Variants in ATP8A2 observed in about 807,000 individuals in gnomAD.
ATP8A2 encodes the protein phospholipid-transporting ATPase IB.
ATP8A2 carries 100 observed loss-of-function variants against 165.6 expected under a neutral mutation model. The observed-to-expected ratio is 0.60, with a 90% CI of 0.51 to 0.71. The LOEUF is 0.71. Ranked by LOEUF, ATP8A2 falls within the 30% of genes least tolerant of loss-of-function variation. ATP8A2 has a pLI of 0.00. For missense variants in ATP8A2, 1,227 were observed against 1,479.5 expected, an observed-to-expected ratio of 0.83 and a Z score of 2.80; for synonymous variants, 543 against 548.8, an observed-to-expected ratio of 0.99 and a Z score of 0.15.
chr13:25,469,130 A>G lies in ATP8A2; in HGVS notation c.221+9A>G. ...CGCGACAACCAGATCAGGTAGGAGA[A>G]GGCGGCCGGCTCGCGCGGAAGGCGG... On this transcript the variant is annotated intron_variant, in intron 2 of 36. Transcript: ENST00000381655. 1 of 1,613,356 alleles carries G rather than the reference A, an allele frequency of 6.2e-7. No individual in the cohort carries two copies. Among genetic ancestry groups the G allele is most frequent in the Non-Finnish European group, 8.5e-7 (1 of 1,179,504 alleles).
At chr13:25,506,590 T>C (rs377562185) in intron 2 of ATP8A2, among the ~76,000 whole-genome samples, 1 of 152,324 alleles carries the variant, frequency 6.6e-6, no homozygotes, top group East Asian at 1.9e-4. Flanking sequence ...AGACGGGAGC[T>C]GAGGGCATCT....
chr13:25,756,642 T>C (rs1240156651), intron 25 of ATP8A2, among the ~76,000 whole-genome samples: 1 of 152,182 alleles, frequency 6.6e-6, no homozygotes, highest in Non-Finnish European at 1.5e-5. Context: ...TGTCAATCTT[T>C]CTGAGCTGGG....
intron 23 of ATP8A2, among the ~76,000 whole-genome samples, chr13:25,586,452 G>A (rs142707340): frequency 6.6e-6 from 1 of 152,290 alleles, no homozygotes; most frequent in East Asian, 1.9e-4. Flanking sequence ...AGGGAGAGGT[G>A]CCCAGGCGTG....
chr13:26,010,751 G>A (rs1239889954), intron 35 of ATP8A2, among the ~76,000 whole-genome samples: 4 of 152,248 alleles, frequency 2.6e-5, no homozygotes, highest in African/African-American at 4.8e-5. Context: ...TTGGCCCATG[G>A]AAGAAAGAGG....
chr13:25,437,549 G>T (rs1038731342), intron 1 of ATP8A2, among the ~76,000 whole-genome samples: 1 of 152,200 alleles, frequency 6.6e-6, no homozygotes, highest in Non-Finnish European at 1.5e-5. Flanking sequence ...TTTTGAAGTT[G>T]TGTTAGGTTC....
At chr13:25,741,378 G>T (rs1239691204) in intron 25 of ATP8A2, among the ~76,000 whole-genome samples, 1 of 152,062 alleles carries the variant, frequency 6.6e-6, no homozygotes, top group Non-Finnish European at 1.5e-5. Flanking sequence ...CAACATTTTA[G>T]TTGTTTGTTT....
At chr13:25,647,398 C>A (rs1413305878) in intron 24 of ATP8A2, among the ~76,000 whole-genome samples, 1 of 152,182 alleles carries the variant, frequency 6.6e-6, no homozygotes, top group African/African-American at 2.4e-5. Flanking sequence ...ATTTTTTCCC[C>A]CTTCACTTTG....
At chr13:25,843,394 C>T (rs944497694) in intron 30 of ATP8A2, among the ~76,000 whole-genome samples, 1 of 152,158 alleles carries the variant, frequency 6.6e-6, no homozygotes, top group Non-Finnish European at 1.5e-5. Flanking sequence ...CCCCCCCGCC[C>T]AATTCATATG....
intron 33 of ATP8A2, among the ~76,000 whole-genome samples, chr13:25,934,442 T>C (rs2139081679): frequency 6.6e-6 from 1 of 152,334 alleles, no homozygotes; most frequent in Middle Eastern, 3.4e-3. Context: ...AGGAACACGC[T>C]CTGCAGGGTC....
At chr13:25,713,002 C>T (rs2043185732) in intron 25 of ATP8A2, among the ~76,000 whole-genome samples, 1 of 152,056 alleles carries the variant, frequency 6.6e-6, no homozygotes, top group Non-Finnish European at 1.5e-5. Flanking sequence ...TTTACTATAC[C>T]ATGTCTTCCA....
intron 1 of ATP8A2, among the ~76,000 whole-genome samples, chr13:25,390,833 G>C (rs575433767): frequency 2.6e-5 from 4 of 151,856 alleles, no homozygotes; most frequent in South Asian, 4.2e-4. Context: ...AGGGAGACAG[G>C]AGAATTGCTT....
chr13:25,380,518 T>C (rs759261657), intron 1 of ATP8A2, among the ~76,000 whole-genome samples: 1 of 152,206 alleles, frequency 6.6e-6, no homozygotes, highest in African/African-American at 2.4e-5. Context: ...TCATTCATAA[T>C]GTTTTCTGTT....
chr13:25,877,411 C>T (rs1413588521), intron 33 of ATP8A2, among the ~76,000 whole-genome samples: 1 of 152,206 alleles, frequency 6.6e-6, no homozygotes, highest in East Asian at 1.9e-4. Context: ...AATCATGGAA[C>T]ATCTGACTCA....
At chr13:25,770,088 T>C (rs1472210567) in intron 26 of ATP8A2, among the ~76,000 whole-genome samples, 1 of 152,212 alleles carries the variant, frequency 6.6e-6, no homozygotes, top group East Asian at 1.9e-4. Flanking sequence ...GCTGTCCTTG[T>C]TCATTTCTGG....
At chr13:25,726,819 C>T (rs2043504460) in intron 25 of ATP8A2, among the ~76,000 whole-genome samples, 2 of 152,238 alleles carry the variant, frequency 1.3e-5, no homozygotes, top group Admixed American at 1.3e-4. Context: ...ATTATCAATT[C>T]CAGGGAGTCC....
At chr13:25,383,015 A>G (rs1357518477) in intron 1 of ATP8A2, among the ~76,000 whole-genome samples, 1 of 149,416 alleles carries the variant, frequency 6.7e-6, no homozygotes, top group East Asian at 2.0e-4. Flanking sequence ...TTGGCCTCCC[A>G]AAGTGCTGGG....
chr13:26,014,302 C>T (rs371932032), intron 36 of ATP8A2, among the ~76,000 whole-genome samples: 1 of 152,230 alleles, frequency 6.6e-6, no homozygotes, highest in African/African-American at 2.4e-5. Context: ...ACTGAAACAA[C>T]AATTATAGCC....
intron 25 of ATP8A2, among the ~76,000 whole-genome samples, chr13:25,759,100 A>G (rs773089104): frequency 6.6e-6 from 1 of 152,170 alleles, no homozygotes; most frequent in Non-Finnish European, 1.5e-5. Context: ...TGAAGCACAC[A>G]TGGTGTTGGC....
intron 26 of ATP8A2, 98 bp downstream of exon 26, chr13:25,769,327 GC>G: frequency 8.3e-7 from 1 of 1,204,368 alleles, no homozygotes. Context: ...CCAAACCTCT[GC>G]CACCCCTCTT....
Sources: allele counts gnomAD v4.1 joint callset (sites outside exome capture counted in the v4.1 genomes callset), GRCh38; gene constraint gnomAD v4.1.1; transcripts MANE v1.5; gene names NCBI Gene and HGNC (gene_info 2026-07-23, HGNC 2026-07-21).